NAV3: variants seen among roughly 807,000 people sequenced by gnomAD.
NAV3 encodes the protein pore membrane and/or filament interacting like protein 1.
In NAV3, 87 loss-of-function variants were observed where a neutral mutation model predicts 244.7. That is an observed-to-expected ratio of 0.36 (90% CI 0.30 to 0.42). NAV3 has a LOEUF of 0.42. Ranked by LOEUF, NAV3 falls within the 20% of genes least tolerant of loss-of-function variation. The pLI, the probability that NAV3 is intolerant of heterozygous loss-of-function variation, is 1.00. For missense variants in NAV3, 2,663 were observed against 2,893.3 expected, an observed-to-expected ratio of 0.92 and a Z score of 1.83; for synonymous variants, 1,126 against 1,042.2, an observed-to-expected ratio of 1.08 and a Z score of -1.55.
At chr12:77,721,842 A>G (rs767498085) in intron 2 of NAV3, among the ~76,000 whole-genome samples, 16 of 152,084 alleles carry the variant, frequency 1.1e-4, no homozygotes, top group Non-Finnish European at 1.9e-4. Context: ...ATGTGTCATT[A>G]TTTGAAATCC....
intron 2 of NAV3, among the ~76,000 whole-genome samples, chr12:77,788,400 G>A (rs945571933): frequency 2.6e-5 from 4 of 152,080 alleles, no homozygotes; most frequent in South Asian, 2.1e-4. Flanking sequence ...ACCAAAGCCC[G>A]CTGGGACAAC....
At chr12:77,878,398 G>A (rs935448424) in intron 1 of NAV3, among the ~76,000 whole-genome samples, 1 of 151,676 alleles carries the variant, frequency 6.6e-6, no homozygotes, top group African/African-American at 2.4e-5. Flanking sequence ...GCTAATTTTG[G>A]GGGTATTTTT....
intron 2 of NAV3, among the ~76,000 whole-genome samples, chr12:77,710,502 A>C (rs184083346): frequency 6.6e-6 from 1 of 152,318 alleles, no homozygotes; most frequent in Non-Finnish European, 1.5e-5. Context: ...TGTATTTTTT[A>C]TACCAGTTTT....
At chr12:77,668,830 G>T (rs1873835447) in intron 2 of NAV3, among the ~76,000 whole-genome samples, 1 of 152,106 alleles carries the variant, frequency 6.6e-6, no homozygotes, top group South Asian at 2.1e-4. Flanking sequence ...AAAGATCATT[G>T]CCTACACACA....
intron 2 of NAV3, among the ~76,000 whole-genome samples, chr12:77,620,870 T>A (rs117869536): frequency 3.9e-5 from 6 of 152,128 alleles, no homozygotes; most frequent in Non-Finnish European, 8.8e-5. Context: ...AGTTGAAAAT[T>A]TGGCAAGTTA....
intron 12 of NAV3, among the ~76,000 whole-genome samples, chr12:78,089,153 C>A (rs1005497921): frequency 2.6e-5 from 4 of 152,028 alleles, no homozygotes; most frequent in African/African-American, 9.7e-5. Flanking sequence ...TTTTTCCATA[C>A]CACCATTCCC....
intron 2 of NAV3, among the ~76,000 whole-genome samples, chr12:77,813,092 A>C (rs1872371956): frequency 6.6e-6 from 1 of 152,104 alleles, no homozygotes; most frequent in Admixed American, 6.6e-5. Context: ...CAAAGTGCTG[A>C]GATTACAGGT....
chr12:77,602,215 C>T (rs1716564), intron 2 of NAV3, among the ~76,000 whole-genome samples: 41,334 of 151,674 alleles, frequency 0.27, 6,128 homozygotes, highest in Middle Eastern at 0.42. Flanking sequence ...TTATAGTCTC[C>T]AGTCTGGATG....
chr12:78,210,491 G>T lies in NAV3; in HGVS notation c.7132G>T (p.Asp2378Tyr). The T allele has an allele frequency of 3.7e-6, 6 of 1,613,770 alleles. No homozygotes were observed. The highest frequency in any genetic ancestry group is 2.2e-5 in the East Asian group (1 of 44,810). The stretch of plus-strand genomic sequence containing the variant: ...CACCAGCCACCATGAAGACATTTTG[G>T]ATTCATCTCTTGAATCTACCCTCTA... ...ESTSHHEDIL[D>Y]SSLESTL The change falls in exon 40 of 40, where the codon GAT becomes TAT. Residue 2378 changes from aspartate (D) to tyrosine (Y), a missense_variant. Physicochemically the swap from Asp to Tyr is radical, Grantham distance 160. Coordinates refer to ENST00000397909, the MANE Select transcript of NAV3 (RefSeq NM_001024383.2).
chr12:77,927,223 C>T lies in NAV3; in HGVS notation c.244-13096C>T, dbSNP rs530621810. Among the ~76,000 whole-genome samples the T allele has an allele frequency of 2.6e-5, 4 of 152,310 alleles. No individual in the cohort carries two copies. The East Asian group carries it at 7.7e-4, about 29-fold the overall frequency. On this transcript the variant is annotated intron_variant, in intron 1 of 39. Transcript: ENST00000397909. ...TAATATTGTCACCAGCATTATTAGA[C>T]TTCACAGACTGTTAAGATGAATTCC...
rs79554503 is a variant in NAV3, at chr12:77,680,822, C to T, written c.72+108556C>T. Reference sequence around the variant, plus strand: ...GGAGACAAGAACCAATGCCAGGAGTCGAAAGTGGAGTAGAAGCTGAAGGAA... The same window carrying T: ...GGAGACAAGAACCAATGCCAGGAGTTGAAAGTGGAGTAGAAGCTGAAGGAA... On this transcript the variant is annotated intron_variant, in intron 2 of 8. Transcript: ENST00000550042. Among the ~76,000 whole-genome samples, 315 of 151,998 alleles carry T rather than the reference C, an allele frequency of 2.1e-3. 2 individuals are homozygous for T. The highest frequency in any genetic ancestry group is 7.2e-3 in the African/African-American group (299 of 41,460).
chr12:78,179,709 T>C lies in NAV3; in HGVS notation c.5517+27T>C. 4 of 1,581,998 alleles carry C rather than the reference T, an allele frequency of 2.5e-6. No homozygotes were observed. In the South Asian group the frequency reaches 4.6e-5, roughly 18 times the overall value. On this transcript the variant is annotated intron_variant, in intron 29 of 39. Transcript: ENST00000397909. ...TTGGTACTGAAGCACTTTCAAGGAA[T>C]AAAATGGAGAAACAAAAAAATGCTG...
At position 77,850,241 on chromosome 12, in the gene NAV3, G is replaced by A. The variant is rs150125817; in HGVS notation, c.243+18537G>A. The stretch of plus-strand genomic sequence containing the variant: ...CATTCTTTGATTTCCTTGTCAGAAC[G>A]TAACTAGTGAAATTCCTCTGTTCAA... On this transcript the variant is annotated intron_variant, in intron 1 of 39. Transcript: ENST00000397909. Among the ~76,000 whole-genome samples, 11 of 152,268 alleles carry A rather than the reference G, an allele frequency of 7.2e-5. No homozygotes were observed. In the East Asian group the frequency reaches 1.5e-3, roughly 21 times the overall value.
chr12:77,895,466 A>G (rs530084190), intron 1 of NAV3, among the ~76,000 whole-genome samples: 36 of 152,174 alleles, frequency 2.4e-4, no homozygotes, highest in Non-Finnish European at 3.2e-4. Flanking sequence ...GCATGCAGCA[A>G]GATATAAAAC....
At chr12:77,946,509 A>C (rs139716497) in intron 3 of NAV3, among the ~76,000 whole-genome samples, 275 of 152,206 alleles carry the variant, frequency 1.8e-3, no homozygotes, top group African/African-American at 6.0e-3. Flanking sequence ...TTGAGACTAA[A>C]CTGGTCCTGG....
chr12:77,843,046 C>A (rs953950091), intron 1 of NAV3, among the ~76,000 whole-genome samples: 1 of 152,034 alleles, frequency 6.6e-6, no homozygotes, highest in Non-Finnish European at 1.5e-5. Context: ...TATTGAATTT[C>A]TACAGGGTGA....
intron 13 of NAV3, 109 bp downstream of exon 13, chr12:78,117,013 G>GAA: frequency 8.0e-7 from 1 of 1,255,036 alleles, no homozygotes; most frequent in Non-Finnish European, 1.1e-6. Context: ...AATTATTACA[G>GAA]AAACTGGAAA....
chr12:77,807,465 G>T (rs535451459), intron 2 of NAV3, among the ~76,000 whole-genome samples: 4 of 152,300 alleles, frequency 2.6e-5, no homozygotes, highest in Non-Finnish European at 5.9e-5. Context: ...GAAATACTGG[G>T]TTGAAAATTC....
intron 12 of NAV3, among the ~76,000 whole-genome samples, chr12:78,060,363 C>T (rs1884146135): frequency 6.6e-6 from 1 of 152,100 alleles, no homozygotes; most frequent in Non-Finnish European, 1.5e-5. Flanking sequence ...TACCCACAGG[C>T]TGTTGATATC....
Sources: gnomAD v4.1 joint callset for allele counts (sites outside exome capture counted in the v4.1 genomes callset) on GRCh38, gnomAD v4.1.1 for gene constraint, MANE v1.5 for transcripts, NCBI Gene and HGNC (gene_info 2026-07-23, HGNC 2026-07-21) for gene names.